MSRA: variants seen among roughly 807,000 people sequenced by gnomAD.
The protein encoded by MSRA is methionine sulfoxide reductase A, also known as mitochondrial peptide methionine sulfoxide reductase.
Under a neutral mutation model 31.3 loss-of-function variants are expected in MSRA, and 54 were observed. The ratio of observed to expected loss-of-function variants is 1.73; its 90% confidence interval spans 1.39 to 2.17. MSRA has a LOEUF of 2.17. MSRA is among the 30% of genes most tolerant of loss of function. The pLI is 0.00. For synonymous variants in MSRA, 169 were observed against 116.5 expected, an observed-to-expected ratio of 1.45 and a Z score of -2.90; for missense variants, 507 against 300.9, an observed-to-expected ratio of 1.69 and a Z score of -5.07.
At chr8:10,067,906 G>C (rs1461854596) in intron 1 of MSRA, among the ~76,000 whole-genome samples, 12 of 90,934 alleles carry the variant, frequency 1.3e-4, no homozygotes, top group Admixed American at 5.3e-4. Context: ...TTTTTTTGGA[G>C]ACAGTCTTAC....
intron 5 of MSRA, among the ~76,000 whole-genome samples, chr8:10,347,723 A>C (rs986280990): frequency 6.6e-6 from 1 of 152,006 alleles, no homozygotes; most frequent in East Asian, 1.9e-4. Context: ...AGAGCTCTCA[A>C]CCGTATGAAA....
intron 3 of MSRA, among the ~76,000 whole-genome samples, chr8:10,275,565 G>T (rs1799278085): frequency 6.6e-6 from 1 of 152,110 alleles, no homozygotes; most frequent in South Asian, 2.1e-4. Flanking sequence ...TCTTTCTCAG[G>T]TTCTGCTTGA....
At chr8:10,386,393 T>A (rs1032342525) in intron 5 of MSRA, among the ~76,000 whole-genome samples, 1 of 152,128 alleles carries the variant, frequency 6.6e-6, no homozygotes, top group East Asian at 1.9e-4. Context: ...TGAACAGATA[T>A]ACCTGAAGCA....
intron 1 of MSRA, among the ~76,000 whole-genome samples, chr8:10,121,191 T>C (rs1801079690): frequency 6.6e-6 from 1 of 152,158 alleles, no homozygotes; most frequent in Non-Finnish European, 1.5e-5. Flanking sequence ...ACCTTGATGG[T>C]TTCTCAATTT....
intron 3 of MSRA, among the ~76,000 whole-genome samples, chr8:10,281,689 G>T (rs576835236): frequency 6.6e-6 from 1 of 152,156 alleles, no homozygotes; most frequent in Non-Finnish European, 1.5e-5. Flanking sequence ...ACAATGACCG[G>T]GTTCTATGGA....
At chr8:10,311,358 A>G (rs554256383) in intron 4 of MSRA, among the ~76,000 whole-genome samples, 49 of 152,326 alleles carry the variant, frequency 3.2e-4, no homozygotes, top group Non-Finnish European at 6.3e-4. Context: ...TTCTGAGCAA[A>G]CTTGTTAATC....
rs139063830 is a variant in MSRA at position 10,203,080 on chromosome 8, G to T, written c.143-4753G>T. 2.3e-3 allele frequency among the ~76,000 whole-genome samples: 353 copies of T among 152,178 alleles called. 3 individuals carry two copies. Among genetic ancestry groups the T allele is most frequent in the African/African-American group, 8.1e-3 (336 of 41,528 alleles). On this transcript the variant is annotated intron_variant, in intron 1 of 5. Coordinates refer to ENST00000317173, the MANE Select transcript of MSRA (RefSeq NM_012331.5). ...TAGAAGGTGCAAAATCACGTTTTAA[G>T]AACCTGTTATCTTTGGGCTTCAGGC...
chr8:10,392,304 C>T (rs1272995153), intron 5 of MSRA, among the ~76,000 whole-genome samples: 1 of 152,192 alleles, frequency 6.6e-6, no homozygotes, highest in Non-Finnish European at 1.5e-5. Flanking sequence ...TGCTTACATG[C>T]TCTGAGTCAG....
intron 5 of MSRA, among the ~76,000 whole-genome samples, chr8:10,384,169 C>G (rs1400106674): frequency 6.6e-6 from 1 of 152,204 alleles, no homozygotes; most frequent in Non-Finnish European, 1.5e-5. Flanking sequence ...GCTTTGCCAC[C>G]TGGACAACTA....
Position 10,141,419 on chromosome 8 carries a change from C to T in MSRA, c.143-66414C>T, listed in dbSNP as rs577572442. Among the ~76,000 whole-genome samples, 28 of 152,282 alleles carry T rather than the reference C, an allele frequency of 1.8e-4. No individual in the cohort carries two copies. In the South Asian group the frequency reaches 1.9e-3, roughly 10 times the overall value. On this transcript the variant is annotated intron_variant, in intron 1 of 5. Coordinates refer to ENST00000317173, the MANE Select transcript of MSRA (RefSeq NM_012331.5). ...AGAAGCCTGGCACCAGAAAGGAAAACGCACTCCAATGCACAAGACATACAT... is the reference window on the plus strand; with the variant it reads ...AGAAGCCTGGCACCAGAAAGGAAAATGCACTCCAATGCACAAGACATACAT...
Position 10,054,624 on chromosome 8 carries a change from CT to C in MSRA, c.110del (p.Leu37CysfsTer10). 1 of 1,577,170 alleles carries C rather than the reference CT, an allele frequency of 6.3e-7. No individual in the cohort carries two copies. Among genetic ancestry groups the C allele is most frequent in the Non-Finnish European group, 8.6e-7 (1 of 1,162,322 alleles). The stretch of plus-strand genomic sequence containing the variant: ...CGAACATCGTCAGCCCCCAGGAGGC[CT>C]TGCCGGGCCGGAAGGAACAGACCCC... ...ASNIVSPQEA[L>X]PGRKEQTPVA... On this transcript the variant is annotated frameshift_variant, in exon 1 of 6. Transcript: ENST00000317173. LOFTEE classifies it high-confidence loss of function.
chr8:10,243,332 G>A (rs553445813), intron 2 of MSRA, among the ~76,000 whole-genome samples: 1 of 152,254 alleles, frequency 6.6e-6, no homozygotes, highest in South Asian at 2.1e-4. Flanking sequence ...GTGCAGTGAA[G>A]CTGCTCCACT....
At chr8:10,215,823 A>G (rs1052508059) in intron 2 of MSRA, among the ~76,000 whole-genome samples, 2 of 152,164 alleles carry the variant, frequency 1.3e-5, no homozygotes, top group Non-Finnish European at 2.9e-5. Flanking sequence ...GTGTACAGCA[A>G]CCACCCACTT....
intron 2 of MSRA, among the ~76,000 whole-genome samples, chr8:10,241,085 G>C (rs1160425628): frequency 1.3e-5 from 2 of 152,128 alleles, no homozygotes; most frequent in African/African-American, 4.8e-5. Context: ...TGGTGGGTCT[G>C]ATGGGACTTA....
chr8:10,303,543 A>G (rs1313891885), intron 4 of MSRA, among the ~76,000 whole-genome samples: 3 of 152,256 alleles, frequency 2.0e-5, no homozygotes, highest in African/African-American at 7.2e-5. Context: ...AGGCAAGGGC[A>G]TGGCTAAGGT....
At chr8:10,396,648 C>T (rs73662825) in intron 5 of MSRA, among the ~76,000 whole-genome samples, 204 of 152,318 alleles carry the variant, frequency 1.3e-3, no homozygotes, top group African/African-American at 4.5e-3. Context: ...GGATGACATA[C>T]GTGTGGCTGT....
chr8:10,062,181 C>T (rs1033697019), intron 1 of MSRA, among the ~76,000 whole-genome samples: 1 of 152,190 alleles, frequency 6.6e-6, no homozygotes, highest in African/African-American at 2.4e-5. Context: ...CAGCAGCGTG[C>T]CATCAATCAT....
At chr8:10,069,973 C>T (rs568533115) in intron 1 of MSRA, among the ~76,000 whole-genome samples, 1 of 152,302 alleles carries the variant, frequency 6.6e-6, no homozygotes, top group African/African-American at 2.4e-5. Context: ...TTGTTAATCA[C>T]AGCACGTGGT....
chr8:10,225,935 A>C (rs973646235), intron 2 of MSRA, among the ~76,000 whole-genome samples: 17 of 152,250 alleles, frequency 1.1e-4, no homozygotes, highest in Non-Finnish European at 2.9e-5. Context: ...AGAAAGACGT[A>C]AGGTGTAAAT....
Sources: allele counts gnomAD v4.1 joint callset (sites outside exome capture counted in the v4.1 genomes callset), GRCh38; gene constraint gnomAD v4.1.1; transcripts MANE v1.5; gene names NCBI Gene and HGNC (gene_info 2026-07-23, HGNC 2026-07-21).